The following ENTREP2 variants were observed in gnomAD, a reference collection of about 807,000 sequenced individuals.
The protein encoded by ENTREP2 is protein ENTREP2.
chr15:29,337,346 G>A, the ENTREP2 span, among the ~76,000 whole-genome samples: 1 of 152,170 alleles, frequency 6.6e-6, no homozygotes, highest in Non-Finnish European at 1.5e-5. Context: ...TGTGGGTGGA[G>A]ATGCAAAAAG....
the ENTREP2 span, among the ~76,000 whole-genome samples, chr15:29,137,663 C>T: frequency 2.0e-5 from 3 of 152,066 alleles, no homozygotes; most frequent in African/African-American, 4.8e-5. Context: ...GGCGAAACCC[C>T]GTCTCTACTA....
the ENTREP2 span, among the ~76,000 whole-genome samples, chr15:29,540,962 T>C: frequency 1.3e-5 from 2 of 152,200 alleles, no homozygotes; most frequent in Admixed American, 1.3e-4. Flanking sequence ...ATAGACTCTA[T>C]CTGTGGAAAT....
chr15:29,635,320 T>C, the ENTREP2 span, among the ~76,000 whole-genome samples: 1 of 152,118 alleles, frequency 6.6e-6, no homozygotes, highest in Admixed American at 6.5e-5. Context: ...AGTTCATTCA[T>C]GTGCAAAAAG....
chr15:29,356,296 ATTTTTTTTT>A, the ENTREP2 span, among the ~76,000 whole-genome samples: 125 of 34,330 alleles, frequency 3.6e-3, no homozygotes, highest in African/African-American at 8.7e-3. Context: ...ATATATATAT[ATTTTTTTTT>A]TTTTTTTTTT....
the ENTREP2 span, among the ~76,000 whole-genome samples, chr15:29,671,905 AG>A: frequency 6.6e-6 from 1 of 152,154 alleles, no homozygotes; most frequent in Admixed American, 6.5e-5. Context: ...TTCCACCTAC[AG>A]TGGCACAGAA....
chr15:29,340,547 T>C, the ENTREP2 span, among the ~76,000 whole-genome samples: 1 of 152,118 alleles, frequency 6.6e-6, no homozygotes, highest in African/African-American at 2.4e-5. Context: ...GAATGCTGGG[T>C]TAGACCCTAC....
chr15:29,401,587 G>A, the ENTREP2 span, among the ~76,000 whole-genome samples: 2 of 152,078 alleles, frequency 1.3e-5, no homozygotes, highest in African/African-American at 2.4e-5. Flanking sequence ...CCTTCCTTGG[G>A]AACAATTTCA....
At chr15:29,651,842 C>T in the ENTREP2 span, among the ~76,000 whole-genome samples, 1 of 152,200 alleles carries the variant, frequency 6.6e-6, no homozygotes, top group Non-Finnish European at 1.5e-5. Context: ...CCTGCAGGTG[C>T]CCCTTAGTTC....
chr15:29,217,006 G>A, the ENTREP2 span, among the ~76,000 whole-genome samples: 2 of 152,148 alleles, frequency 1.3e-5, no homozygotes, highest in Admixed American at 6.5e-5. Flanking sequence ...TCTTGGTTTA[G>A]GAAGGGGGGG....
At chr15:29,203,949 T>C in the ENTREP2 span, among the ~76,000 whole-genome samples, 1 of 152,130 alleles carries the variant, frequency 6.6e-6, no homozygotes, top group Non-Finnish European at 1.5e-5. Context: ...GGAGGGGAGA[T>C]CAGCTTGTCT....
chr15:29,258,451 A>T, the ENTREP2 span, among the ~76,000 whole-genome samples: 1 of 152,116 alleles, frequency 6.6e-6, no homozygotes, highest in Non-Finnish European at 1.5e-5. Context: ...AGATGCTACG[A>T]AAGTCAAGGA....
chr15:29,396,802 G>T, the ENTREP2 span, among the ~76,000 whole-genome samples: 1 of 151,874 alleles, frequency 6.6e-6, no homozygotes, highest in Non-Finnish European at 1.5e-5. Flanking sequence ...GTTAGTTAAG[G>T]GTCCAACTTC....
At chr15:29,299,599 G>T in the ENTREP2 span, among the ~76,000 whole-genome samples, 2 of 151,998 alleles carry the variant, frequency 1.3e-5, no homozygotes, top group African/African-American at 2.4e-5. Flanking sequence ...GGATTTCTCT[G>T]GCCTCCCTAT....
chr15:29,179,923 G>C, the ENTREP2 span, among the ~76,000 whole-genome samples: 1,295 of 152,214 alleles, frequency 8.5e-3, 17 homozygotes, highest in African/African-American at 0.029. Flanking sequence ...CCAGTGCAGA[G>C]ATGGGACTGA....
the ENTREP2 span, among the ~76,000 whole-genome samples, chr15:29,478,565 T>G: frequency 6.6e-6 from 1 of 152,072 alleles, no homozygotes; most frequent in Non-Finnish European, 1.5e-5. Context: ...CCCTCATGGC[T>G]TGATGCCGTC....
chr15:29,208,719 T>C, the ENTREP2 span, among the ~76,000 whole-genome samples: 2 of 152,148 alleles, frequency 1.3e-5, no homozygotes, highest in African/African-American at 4.8e-5. Context: ...AGACTTCCCC[T>C]CTGGTGTAAC....
At chr15:29,524,586 C>A in the ENTREP2 span, among the ~76,000 whole-genome samples, 1 of 152,170 alleles carries the variant, frequency 6.6e-6, no homozygotes, top group African/African-American at 2.4e-5. Context: ...TGGAACCCAG[C>A]GACTAGTGTT....
chr15:29,606,253 T>A, the ENTREP2 span, among the ~76,000 whole-genome samples: 1 of 146,148 alleles, frequency 6.8e-6, no homozygotes, highest in Non-Finnish European at 1.5e-5. Flanking sequence ...TTTTTTTTTT[T>A]AGATGGGGTC....
chr15:29,287,310 G>A, the ENTREP2 span, among the ~76,000 whole-genome samples: 1 of 150,794 alleles, frequency 6.6e-6, no homozygotes, highest in Non-Finnish European at 1.5e-5. Flanking sequence ...GCAAATAGCC[G>A]TGCCTGCATT....
Sources: gnomAD v4.1 joint callset for allele counts (sites outside exome capture counted in the v4.1 genomes callset) on GRCh38, gnomAD v4.1.1 for gene constraint, MANE v1.5 for transcripts, NCBI Gene and HGNC (gene_info 2026-07-23, HGNC 2026-07-21) for gene names.